Variants in CPNE4 observed in about 807,000 individuals in gnomAD.
The protein encoded by CPNE4 is copine 4.
Under a neutral mutation model 67.9 loss-of-function variants are expected in CPNE4, and 25 were observed. That is an observed-to-expected ratio of 0.37 (90% confidence interval 0.27 to 0.51). CPNE4 has a LOEUF of 0.51. Ranked by LOEUF, CPNE4 falls within the 20% of genes least tolerant of loss-of-function variation. The pLI is 0.93. For missense variants in CPNE4, 464 were observed against 690.8 expected, an observed-to-expected ratio of 0.67 and a Z score of 3.68; for synonymous variants, 242 against 244.9, an observed-to-expected ratio of 0.99 and a Z score of 0.11.
chr3:131,787,179 G>A (rs1037717701), intron 2 of CPNE4, among the ~76,000 whole-genome samples: 11 of 152,296 alleles, frequency 7.2e-5, no homozygotes, highest in African/African-American at 2.6e-4. Flanking sequence ...CACCTTGGAA[G>A]GGCTGATTTG....
chr3:131,539,863 T>C (rs1340513103), intron 15 of CPNE4, among the ~76,000 whole-genome samples: 1 of 152,172 alleles, frequency 6.6e-6, no homozygotes, highest in South Asian at 2.1e-4. Flanking sequence ...AGCATTAAAA[T>C]CAGGAAGAAC....
At chr3:132,001,554 AGAAAG>A in intron 1 of CPNE4, among the ~76,000 whole-genome samples, 1 of 11,790 alleles carries the variant, frequency 8.5e-5, no homozygotes, top group South Asian at 3.0e-3. Context: ...AAGAAAAAAG[AGAAAG>A]AAAGAAAGAA....
intron 2 of CPNE4, among the ~76,000 whole-genome samples, chr3:131,898,342 C>T (rs886513703): frequency 2.0e-5 from 3 of 152,100 alleles, no homozygotes; most frequent in Non-Finnish European, 2.9e-5. Context: ...GGGACCAATG[C>T]TCCACTTGAA....
intron 7 of CPNE4, among the ~76,000 whole-genome samples, chr3:131,632,264 C>A (rs112152223): frequency 0.27 from 41,564 of 151,490 alleles, 9,351 homozygotes; most frequent in African/African-American, 0.62. Flanking sequence ...CCCACCTTGG[C>A]CTCCTAAAGT....
At chr3:131,708,985 T>TAG in intron 3 of CPNE4, among the ~76,000 whole-genome samples, 1 of 103,054 alleles carries the variant, frequency 9.7e-6, no homozygotes, top group African/African-American at 3.7e-5. Flanking sequence ...TATATATATA[T>TAG]ATATATATAT....
chr3:131,716,786 A>G (rs9811292), intron 3 of CPNE4, among the ~76,000 whole-genome samples: 55,912 of 152,098 alleles, frequency 0.37, 10,816 homozygotes, highest in Middle Eastern at 0.44. Context: ...CCATTTTTCA[A>G]ATGAAGAAAC....
At chr3:131,753,475 A>T (rs896059136) in intron 2 of CPNE4, among the ~76,000 whole-genome samples, 1 of 152,184 alleles carries the variant, frequency 6.6e-6, no homozygotes, top group African/African-American at 2.4e-5. Flanking sequence ...TCATAATGAA[A>T]GTCGACAGAC....
intron 7 of CPNE4, among the ~76,000 whole-genome samples, chr3:131,635,248 G>A (rs993711569): frequency 6.6e-6 from 1 of 152,064 alleles, no homozygotes; most frequent in East Asian, 1.9e-4. Flanking sequence ...TAAACAGAAG[G>A]CTCCTAACTT....
At chr3:132,011,394 C>T (rs921967317) in intron 1 of CPNE4, among the ~76,000 whole-genome samples, 9 of 152,184 alleles carry the variant, frequency 5.9e-5, no homozygotes, top group Non-Finnish European at 8.8e-5. Context: ...TTTCACACTC[C>T]GTTGCTAAGT....
chr3:131,543,189 T>C (rs1196318024), intron 14 of CPNE4: 1 of 165,192 alleles, frequency 6.1e-6, no homozygotes, highest in Non-Finnish European at 1.3e-5. Context: ...TACTTGAAGA[T>C]ATTTAAAAAT....
intron 1 of CPNE4, among the ~76,000 whole-genome samples, chr3:132,023,887 A>C (rs2074059138): frequency 6.6e-6 from 1 of 152,154 alleles, no homozygotes; most frequent in Admixed American, 6.5e-5. Flanking sequence ...AGGAGATGAG[A>C]AGTTTCTCAT....
chr3:131,892,334 T>C (rs966061224), intron 2 of CPNE4, among the ~76,000 whole-genome samples: 1 of 152,038 alleles, frequency 6.6e-6, no homozygotes, highest in Non-Finnish European at 1.5e-5. Context: ...GACCCAGAAA[T>C]GCTATTCTTC....
intron 2 of CPNE4, among the ~76,000 whole-genome samples, chr3:131,836,604 CA>C (rs2108008239): frequency 6.6e-6 from 1 of 152,254 alleles, no homozygotes; most frequent in East Asian, 1.9e-4. Context: ...TGCAACCAGG[CA>C]AGCAAAAGAA....
chr3:131,717,898 CT>C (rs763657170), intron 3 of CPNE4, among the ~76,000 whole-genome samples: 2 of 109,934 alleles, frequency 1.8e-5, no homozygotes, highest in Non-Finnish European at 4.1e-5. Context: ...TTCTTTCTTT[CT>C]TTCTTTCTTT....
intron 2 of CPNE4, among the ~76,000 whole-genome samples, chr3:131,874,311 A>T (rs2087345797): frequency 6.6e-6 from 1 of 151,984 alleles, no homozygotes; most frequent in South Asian, 2.1e-4. Flanking sequence ...GATGGTTTCA[A>T]TCTCCTGACC....
chr3:132,032,430 C>T (rs1347564679), intron 1 of CPNE4, among the ~76,000 whole-genome samples: 1 of 152,126 alleles, frequency 6.6e-6, no homozygotes, highest in African/African-American at 2.4e-5. Context: ...CAAAACTGCC[C>T]AGGATTAAAC....
chr3:131,712,560 A>G (rs1310156194), intron 3 of CPNE4, among the ~76,000 whole-genome samples: 2 of 152,262 alleles, frequency 1.3e-5, no homozygotes, highest in African/African-American at 4.8e-5. Context: ...AAACTTTATC[A>G]ATAGTTCAAG....
intron 2 of CPNE4, among the ~76,000 whole-genome samples, chr3:131,801,355 CATATATATATATGTACCAT>C (rs1188176933): frequency 8.9e-5 from 8 of 89,776 alleles, no homozygotes; most frequent in Non-Finnish European, 1.8e-4. Flanking sequence ...ATATATGTAC[CATATATATATATGTACCAT>C]ATATATATAT....
At chr3:132,021,717 C>G (rs72996806) in intron 1 of CPNE4, among the ~76,000 whole-genome samples, 293 of 152,282 alleles carry the variant, frequency 1.9e-3, no homozygotes, top group African/African-American at 6.7e-3. Context: ...CTGCAGACTT[C>G]AAGTTTGCCT....
Sources: gnomAD v4.1 joint callset for allele counts (sites outside exome capture counted in the v4.1 genomes callset) on GRCh38, gnomAD v4.1.1 for gene constraint, MANE v1.5 for transcripts, NCBI Gene and HGNC (gene_info 2026-07-23, HGNC 2026-07-21) for gene names.